SHANK2: variants seen among roughly 807,000 people sequenced by gnomAD.
SHANK2 encodes SH3 and multiple ankyrin repeat domains 2.
In SHANK2, 43 loss-of-function variants were observed where a neutral mutation model predicts 133.7. The ratio of observed to expected loss-of-function variants is 0.32; its 90% confidence interval spans 0.25 to 0.41. The LOEUF (loss-of-function observed/expected upper bound fraction) is 0.41, where lower values mean the gene tolerates loss of function less well. Among genes scored for constraint, SHANK2 ranks in the 10% least tolerant of loss-of-function variants. The probability of loss-of-function intolerance (pLI) is 1.00; values close to 1 mark genes in which losing one functional copy is unlikely to be tolerated. For missense variants in SHANK2, 1,994 were observed against 2,235.8 expected (o/e 0.89, Z 2.18); for synonymous variants, 1,017 against 952.8 (o/e 1.07, Z -1.24).
chr11:70,858,882 G>T (rs2135493543), intron 11 of SHANK2, among the ~76,000 whole-genome samples: 1 of 152,334 alleles, frequency 6.6e-6, no homozygotes, highest in Admixed American at 6.5e-5. Context: ...CTGTTTTCAG[G>T]AATGTGCTGT....
intron 14 of SHANK2, among the ~76,000 whole-genome samples, chr11:70,796,894 C>T (rs1831464971): frequency 6.6e-6 from 1 of 152,124 alleles, no homozygotes; most frequent in Non-Finnish European, 1.5e-5. Context: ...AATGACCCTC[C>T]CCCCAGCACC....
intron 14 of SHANK2, among the ~76,000 whole-genome samples, chr11:70,758,738 A>AC: frequency 6.6e-6 from 1 of 152,248 alleles, no homozygotes; most frequent in South Asian, 2.1e-4. Flanking sequence ...GGCTGCTGGC[A>AC]CCCCTCAGCA....
intron 14 of SHANK2, among the ~76,000 whole-genome samples, chr11:70,718,112 C>A (rs781930056): frequency 6.6e-6 from 1 of 152,106 alleles, no homozygotes; most frequent in Non-Finnish European, 1.5e-5. Flanking sequence ...GGGTGAAGGA[C>A]GCCTGAAAAA....
intron 17 of SHANK2, among the ~76,000 whole-genome samples, chr11:70,570,134 G>T (rs1249747835): frequency 6.6e-6 from 1 of 152,148 alleles, no homozygotes; most frequent in Non-Finnish European, 1.5e-5. Context: ...AGGCTTGACC[G>T]AATGACAAGA....
At chr11:71,158,437 A>G (rs1444154271) in intron 2 of SHANK2, among the ~76,000 whole-genome samples, 2 of 152,252 alleles carry the variant, frequency 1.3e-5, no homozygotes, top group African/African-American at 4.8e-5. Context: ...GTAATACTAC[A>G]TAGCATTATC....
At chr11:70,947,590 T>C (rs1185506221) in intron 10 of SHANK2, among the ~76,000 whole-genome samples, 1 of 152,192 alleles carries the variant, frequency 6.6e-6, no homozygotes, top group African/African-American at 2.4e-5. Context: ...GGTCTTGACC[T>C]CCTGACCTCA....
At chr11:71,081,814 A>G (rs1951304665) in intron 8 of SHANK2, among the ~76,000 whole-genome samples, 1 of 152,226 alleles carries the variant, frequency 6.6e-6, no homozygotes, top group African/African-American at 2.4e-5. Context: ...TTGCGGCTCC[A>G]GACACGGGGG....
Position 70,900,469 on chromosome 11 carries a change from C to T in SHANK2, c.1108-3902G>A, listed in dbSNP as rs1186241757. Among the ~76,000 whole-genome samples the T allele has an allele frequency of 3.3e-5, 5 of 152,278 alleles. No homozygotes were observed. The South Asian group carries it at 6.2e-4, about 19-fold the overall frequency. ...GGTCACCCAGCGCCCCACAAAAATG[C>T]GCAGTCAGATACACACAAGTGCACA... On this transcript the variant is annotated intron_variant, in intron 10 of 25. Coordinates refer to ENST00000601538, the MANE Select transcript of SHANK2 (RefSeq NM_012309.5).
chr11:70,750,102 A>G lies in SHANK2; in HGVS notation c.1777+48341T>C, dbSNP rs139272050. On this transcript the variant is annotated intron_variant, in intron 14 of 25. Transcript: ENST00000601538. ...GATGCTGTTATTTATGGACTCTGAA[A>G]AATAAAGAGTAGCAGGCAATTGGAG... is the stretch of plus-strand genomic sequence containing the variant. 2.0e-5 allele frequency among the ~76,000 whole-genome samples: 3 copies of G among 152,338 alleles called. 1 individual carries two copies. In the East Asian group the frequency reaches 5.8e-4, roughly 29 times the overall value.
At chr11:70,744,105 G>A (rs1215989521) in intron 14 of SHANK2, among the ~76,000 whole-genome samples, 2 of 152,204 alleles carry the variant, frequency 1.3e-5, no homozygotes, top group Admixed American at 6.5e-5. Flanking sequence ...GTGGCTGCAG[G>A]CCCCTGCCTC....
At chr11:71,067,989 C>CCAT (rs1329880737) in intron 9 of SHANK2, among the ~76,000 whole-genome samples, 1 of 151,522 alleles carries the variant, frequency 6.6e-6, no homozygotes, top group Non-Finnish European at 1.5e-5. Context: ...ATCACCACCA[C>CCAT]CATCACCATC....
intron 1 of SHANK2, among the ~76,000 whole-genome samples, chr11:71,245,066 G>A (rs1290868339): frequency 1.3e-5 from 2 of 151,460 alleles, no homozygotes; most frequent in Admixed American, 6.6e-5. Context: ...CTGCAACATC[G>A]ACCTCTCAGG....
At chr11:70,643,665 C>T (rs931409627) in intron 17 of SHANK2, among the ~76,000 whole-genome samples, 2 of 151,612 alleles carry the variant, frequency 1.3e-5, no homozygotes, top group African/African-American at 2.4e-5. Context: ...GGAATCACGT[C>T]GTGGTTGGTA....
At chr11:70,942,510 T>C (rs1272172054) in intron 10 of SHANK2, 1 of 456,156 alleles carries the variant, frequency 2.2e-6, no homozygotes, top group African/African-American at 2.0e-5. Context: ...CACCTTCCAC[T>C]AGGTCCCACC....
intron 17 of SHANK2, among the ~76,000 whole-genome samples, chr11:70,554,018 C>T (rs538718162): frequency 6.6e-5 from 10 of 152,330 alleles, no homozygotes; most frequent in South Asian, 2.1e-4. Flanking sequence ...GGCCTGGGGT[C>T]GCTGACCGGA....
chr11:70,497,650 T>C (rs1267607379), intron 21 of SHANK2, among the ~76,000 whole-genome samples: 1 of 152,198 alleles, frequency 6.6e-6, no homozygotes, highest in African/African-American at 2.4e-5. Context: ...ATGAGCTGAC[T>C]CTGGACCACG....
At chr11:71,097,809 C>T (rs527661576) in intron 6 of SHANK2, among the ~76,000 whole-genome samples, 1 of 152,360 alleles carries the variant, frequency 6.6e-6, no homozygotes, top group African/African-American at 2.4e-5. Context: ...TGCTACCCAG[C>T]GGGCACAGGG....
chr11:71,094,502 G>A (rs1370006680), intron 7 of SHANK2, 35 bp downstream of exon 7: 41 of 1,537,632 alleles, frequency 2.7e-5, no homozygotes, highest in East Asian at 2.5e-4. Context: ...ATCAGAGCAC[G>A]GGGTGGCACC....
chr11:70,638,327 G>C (rs1337908290), intron 17 of SHANK2, among the ~76,000 whole-genome samples: 1 of 152,234 alleles, frequency 6.6e-6, no homozygotes, highest in Non-Finnish European at 1.5e-5. Flanking sequence ...CCAGGCCACA[G>C]ACCAGCTGCT....
Sources: gnomAD v4.1 joint callset for allele counts (sites outside exome capture counted in the v4.1 genomes callset) on GRCh38, gnomAD v4.1.1 for gene constraint, MANE v1.5 for transcripts, NCBI Gene and HGNC (gene_info 2026-07-23, HGNC 2026-07-21) for gene names.